PCDH15: variants seen among roughly 807,000 people sequenced by gnomAD.
PCDH15 encodes the protein protocadherin related 15, also known as protocadherin-15.
In PCDH15, 129 loss-of-function variants were observed where a neutral mutation model predicts 178.5. That is an observed-to-expected ratio of 0.72 (90% CI 0.63 to 0.84). The LOEUF is 0.84. PCDH15 is among the 40% of genes least tolerant of loss of function. The probability of loss-of-function intolerance (pLI) is 0.00; values close to 1 mark genes in which losing one functional copy is unlikely to be tolerated. For synonymous variants in PCDH15, 800 were observed against 732.0 expected, an observed-to-expected ratio of 1.09 and a Z score of -1.50; for missense variants, 2,230 against 2,099.9, an observed-to-expected ratio of 1.06 and a Z score of -1.21.
At chr10:55,009,608 G>A (rs186819253) in intron 2 of PCDH15, among the ~76,000 whole-genome samples, 76 of 151,182 alleles carry the variant, frequency 5.0e-4, no homozygotes, top group Admixed American at 1.2e-3. Flanking sequence ...TTCATTAATG[G>A]CCATTTTATG....
At chr10:55,586,559 C>T (rs749661569) in intron 2 of PCDH15, among the ~76,000 whole-genome samples, 16 of 152,002 alleles carry the variant, frequency 1.1e-4, no homozygotes, top group Non-Finnish European at 2.2e-4. Flanking sequence ...TGAACTAATC[C>T]TTTTGAAAAT....
At chr10:55,288,093 T>C (rs1186152081) in intron 1 of PCDH15, among the ~76,000 whole-genome samples, 2 of 150,490 alleles carry the variant, frequency 1.3e-5, no homozygotes, top group Non-Finnish European at 3.0e-5. Context: ...TATATATATG[T>C]GTAAGATTTT....
At chr10:54,116,381 G>A (rs1403402351) in intron 15 of PCDH15, among the ~76,000 whole-genome samples, 8 of 152,154 alleles carry the variant, frequency 5.3e-5, no homozygotes, top group African/African-American at 1.9e-4. Flanking sequence ...AGTTTCCACA[G>A]TGAAGGGAAG....
intron 5 of PCDH15, among the ~76,000 whole-genome samples, chr10:54,363,765 T>A (rs1027325577): frequency 6.6e-6 from 1 of 152,116 alleles, no homozygotes; most frequent in Non-Finnish European, 1.5e-5. Flanking sequence ...TACCAAAACA[T>A]GAGAGTATAT....
intron 20 of PCDH15, among the ~76,000 whole-genome samples, chr10:54,002,030 A>G (rs953380412): frequency 2.8e-4 from 41 of 145,038 alleles, no homozygotes; most frequent in African/African-American, 1.0e-3. Context: ...AGATATAACA[A>G]TTGTAAATAT....
chr10:54,915,365 G>GA (rs554579225), intron 2 of PCDH15, among the ~76,000 whole-genome samples: 5 of 152,066 alleles, frequency 3.3e-5, no homozygotes, highest in Non-Finnish European at 5.9e-5. Context: ...ATATGCCTTA[G>GA]AAAAAAATCC....
intron 29 of PCDH15, among the ~76,000 whole-genome samples, chr10:53,839,156 T>C (rs1024374775): frequency 2.9e-5 from 4 of 138,750 alleles, no homozygotes; most frequent in African/African-American, 1.1e-4. Context: ...GTGAGCGAGA[T>C]TGCGCCACTG....
At chr10:54,996,924 C>T (rs1839661170) in intron 2 of PCDH15, among the ~76,000 whole-genome samples, 1 of 151,986 alleles carries the variant, frequency 6.6e-6, no homozygotes, top group African/African-American at 2.4e-5. Flanking sequence ...GCCTGGCCAA[C>T]ATGGTGAAAC....
intron 3 of PCDH15, among the ~76,000 whole-genome samples, chr10:54,846,764 T>C (rs550411449): frequency 1.1e-4 from 16 of 152,290 alleles, no homozygotes; most frequent in African/African-American, 3.8e-4. Context: ...AACCATTTCC[T>C]GCCAATACAC....
At chr10:53,883,624 T>C (rs1198759441) in intron 26 of PCDH15, among the ~76,000 whole-genome samples, 2 of 152,202 alleles carry the variant, frequency 1.3e-5, no homozygotes, top group Admixed American at 1.3e-4. Flanking sequence ...AGTGAATACA[T>C]ACACATCTAT....
intron 3 of PCDH15, among the ~76,000 whole-genome samples, chr10:54,489,540 G>A (rs1029524624): frequency 2.6e-5 from 4 of 152,042 alleles, no homozygotes; most frequent in Non-Finnish European, 4.4e-5. Flanking sequence ...AGATAGTTTT[G>A]TTCAGGAAAA....
At chr10:55,049,860 G>C (rs981417898) in intron 2 of PCDH15, among the ~76,000 whole-genome samples, 3 of 151,992 alleles carry the variant, frequency 2.0e-5, no homozygotes, top group Non-Finnish European at 4.4e-5. Flanking sequence ...CTGCTGACAT[G>C]CTTACATTCC....
intron 25 of PCDH15, among the ~76,000 whole-genome samples, chr10:53,923,597 C>A (rs2084197705): frequency 6.6e-6 from 1 of 152,118 alleles, no homozygotes; most frequent in South Asian, 2.1e-4. Flanking sequence ...ACCAAGAAAT[C>A]TTCTACCTAC....
chr10:55,565,558 T>C (rs1842284870), intron 2 of PCDH15, among the ~76,000 whole-genome samples: 1 of 151,676 alleles, frequency 6.6e-6, no homozygotes, highest in Non-Finnish European at 1.5e-5. Context: ...AACCAAAAGT[T>C]GGTTGTTTGA....
At chr10:54,763,729 G>T (rs1202846840) in intron 1 of PCDH15, among the ~76,000 whole-genome samples, 4 of 146,544 alleles carry the variant, frequency 2.7e-5, no homozygotes, top group Non-Finnish European at 6.0e-5. Flanking sequence ...ACTTTTTATG[G>T]ATACATAAGA....
intron 18 of PCDH15, among the ~76,000 whole-genome samples, chr10:54,039,155 T>A (rs1293812806): frequency 6.6e-6 from 1 of 151,996 alleles, no homozygotes. Flanking sequence ...AAAAAATAAG[T>A]TCATTTTCCT....
At chr10:55,037,067 T>C (rs1840753087) in intron 2 of PCDH15, among the ~76,000 whole-genome samples, 1 of 152,170 alleles carries the variant, frequency 6.6e-6, no homozygotes, top group African/African-American at 2.4e-5. Context: ...TAGACATTTT[T>C]CCCATCACAG....
At chr10:53,972,832 C>T (rs2089848308) in intron 21 of PCDH15, among the ~76,000 whole-genome samples, 1 of 152,142 alleles carries the variant, frequency 6.6e-6, no homozygotes, top group South Asian at 2.1e-4. Context: ...AACACTTTTA[C>T]ACTGTTGGTG....
At chr10:55,232,862 C>A (rs1841265400) in intron 1 of PCDH15, among the ~76,000 whole-genome samples, 1 of 152,052 alleles carries the variant, frequency 6.6e-6, no homozygotes, top group African/African-American at 2.4e-5. Context: ...CCCAGGTAAG[C>A]CTTCAGATAA....
Sources: allele counts gnomAD v4.1 joint callset (sites outside exome capture counted in the v4.1 genomes callset), GRCh38; gene constraint gnomAD v4.1.1; transcripts MANE v1.5; gene names NCBI Gene and HGNC (gene_info 2026-07-23, HGNC 2026-07-21).